The following GSDME variants were observed in gnomAD, a reference collection of about 807,000 sequenced individuals.
GSDME encodes the protein gasdermin-E.
A neutral mutation model predicts 47.5 loss-of-function variants in GSDME; 44 were observed. That is an observed-to-expected ratio of 0.93 (90% CI 0.73 to 1.19). The LOEUF (loss-of-function observed/expected upper bound fraction) is 1.19, where lower values mean the gene tolerates loss of function less well. GSDME is among the 50% of genes most tolerant of loss of function. The probability of loss-of-function intolerance (pLI) is 0.00; values close to 1 mark genes in which losing one functional copy is unlikely to be tolerated. For missense variants in GSDME, 663 were observed against 604.2 expected, an observed-to-expected ratio of 1.10 and a Z score of -1.02; for synonymous variants, 258 against 252.8, an observed-to-expected ratio of 1.02 and a Z score of -0.20.
chr7:24,756,536 C>G lies in GSDME; in HGVS notation c.-20+860G>C, dbSNP rs983781703. 6.6e-6 allele frequency among the ~76,000 whole-genome samples: 1 copy of G among 152,210 alleles called. No individual in the cohort carries two copies. The highest frequency in any genetic ancestry group is 2.1e-4 in the South Asian group (1 of 4,822). ...CTGCTTCTCCAACCCCACAGCACTC[C>G]TTTCATTCCACTTGGACTTGCCCCA... On this transcript the variant is annotated intron_variant, in intron 1 of 9. Coordinates refer to ENST00000645220, the MANE Select transcript of GSDME (RefSeq NM_001127453.2). The surrounding 1 kb of genome is among the most constrained non-coding windows in gnomAD (Gnocchi z 4.2).
chr7:24,728,420 AC>A lies in GSDME; in HGVS notation c.405-9203del, dbSNP rs1790040581. ...TAACAAATGTTCTTTGCAACCAGAC[AC>A]CCTAACTGGTATATGAAGTGACCAT... is the stretch of plus-strand genomic sequence containing the variant. On this transcript the variant is annotated intron_variant, in intron 3 of 9. Coordinates refer to ENST00000645220, the MANE Select transcript of GSDME (RefSeq NM_001127453.2). This position sits in a 1 kb window ranked among gnomAD's most constrained non-coding sequence, Gnocchi z 7.2. 6.6e-6 allele frequency among the ~76,000 whole-genome samples: 1 copy of A among 152,120 alleles called. No individual in the cohort carries two copies. Among genetic ancestry groups the A allele is most frequent in the Non-Finnish European group, 1.5e-5 (1 of 68,016 alleles).
chr7:24,794,374 C>T, the GSDME span, among the ~76,000 whole-genome samples: 1 of 151,930 alleles, frequency 6.6e-6, no homozygotes, highest in African/African-American at 2.4e-5. Context: ...GTTCTCCTGT[C>T]TCCTTCCTCT....
At chr7:24,762,620 A>G (rs959358902), upstream of GSDME, among the ~76,000 whole-genome samples, 14 of 152,242 alleles carry the variant, frequency 9.2e-5, no homozygotes, top group African/African-American at 3.4e-4. Flanking sequence ...AAGGTGACCA[A>G]CGAGAATGTG....
Position 24,756,982 on chromosome 7 carries a change from C to T in GSDME, c.-20+414G>A, listed in dbSNP as rs1791041936. On this transcript the variant is annotated intron_variant, in intron 1 of 9. Coordinates refer to ENST00000645220, the MANE Select transcript of GSDME (RefSeq NM_001127453.2). The surrounding 1 kb of genome is among the most constrained non-coding windows in gnomAD (Gnocchi z 4.2). ...CGCCCCCGAGCCGGGAGAGCCTCCG[C>T]AGCACCCAGAGAAGAGACCGGAACA... Among the ~76,000 whole-genome samples the T allele has an allele frequency of 6.6e-6, 1 of 151,814 alleles. No homozygotes were observed. The highest frequency in any genetic ancestry group is 2.4e-5 in the African/African-American group (1 of 41,358).
At chr7:24,781,733 T>A in the GSDME span, among the ~76,000 whole-genome samples, 1 of 138,648 alleles carries the variant, frequency 7.2e-6, no homozygotes, top group Non-Finnish European at 1.5e-5. Flanking sequence ...TATATGTTAA[T>A]GAAAACACTC....
chr7:24,707,254 AAAAC>A lies in GSDME; in HGVS notation c.990+869_990+872del, dbSNP rs751319604. The A allele has an allele frequency of 2.9e-4, 137 of 466,904 alleles. 2 individuals carry two copies. The highest frequency in any genetic ancestry group is 1.1e-3 in the South Asian group (69 of 64,088). 28.9% of individuals were successfully genotyped at this position (466,904 alleles called of 1,614,324 possible). A position where few individuals can be genotyped will look rare whatever the true frequency, so the allele number is the denominator to read the frequency against. ...CAAACTCCCTGCATAATATAATAGA[AAAAC>A]AAAAGAACAAAAAACAAAACTGTAG... On this transcript the variant is annotated intron_variant, in intron 7 of 9. Coordinates refer to ENST00000645220, the MANE Select transcript of GSDME (RefSeq NM_001127453.2).
In GSDME at chr7:24,701,102, T is replaced by C. The variant is rs749859305; in HGVS notation, c.1257+1658A>G. On this transcript the variant is annotated intron_variant, in intron 9 of 9. Coordinates refer to ENST00000645220, the MANE Select transcript of GSDME (RefSeq NM_001127453.2). ...AGCCTCTCAAAGTTACCCTGGCTACTAGACAAGAAAAGACAGGGCTGCAGA... is the reference window on the plus strand; with the variant it reads ...AGCCTCTCAAAGTTACCCTGGCTACCAGACAAGAAAAGACAGGGCTGCAGA... Among the ~76,000 whole-genome samples, 18 of 152,226 alleles carry C rather than the reference T, an allele frequency of 1.2e-4. 1 individual carries two copies. Among genetic ancestry groups the C allele is most frequent in the Non-Finnish European group, 1.6e-4 (11 of 68,034 alleles).
rs141820646 is a variant in GSDME, at chr7:24,724,174, CA to C, written c.405-4957del. On this transcript the variant is annotated intron_variant, in intron 3 of 9. Coordinates refer to ENST00000645220, the MANE Select transcript of GSDME (RefSeq NM_001127453.2). This position sits in a 1 kb window ranked among gnomAD's most constrained non-coding sequence, Gnocchi z 4.8. ...ACCATGTGAATAGATTGCCCAGTTC[CA>C]AAAAAAAAAAAAAGTATTTTAAAAA... Among the ~76,000 whole-genome samples the C allele has an allele frequency of 0.052, 7,256 of 138,762 alleles. 193 individuals carry two copies. Among genetic ancestry groups the C allele is most frequent in the Non-Finnish European group, 0.069 (4,356 of 63,026 alleles). The allele number at this position is 138,762 out of a possible 152,430, so 91.0% of individuals were successfully genotyped here. A position where few individuals can be genotyped will look rare whatever the true frequency, so the allele number is the denominator to read the frequency against.
At chr7:24,767,517 A>G in the GSDME span, among the ~76,000 whole-genome samples, 1 of 152,034 alleles carries the variant, frequency 6.6e-6, no homozygotes, top group Non-Finnish European at 1.5e-5. The surrounding 1 kb of genome is among the most constrained non-coding windows in gnomAD (Gnocchi z 5.3). Flanking sequence ...GAATTTTTAC[A>G]TTATTTTTAT....
chr7:24,738,013 A>G (rs1254083241), intron 3 of GSDME, among the ~76,000 whole-genome samples: 1 of 152,188 alleles, frequency 6.6e-6, no homozygotes, highest in Non-Finnish European at 1.5e-5. Flanking sequence ...CCAACCAGCT[A>G]GTATCATACT....
intron 5 of GSDME, among the ~76,000 whole-genome samples, chr7:24,713,863 G>C (rs1308407766): frequency 1.3e-5 from 2 of 152,176 alleles, no homozygotes; most frequent in Non-Finnish European, 2.9e-5. Flanking sequence ...AGGCCAAGGT[G>C]GGAGGACTGC....
intron 4 of GSDME, 129 bp downstream of exon 4, chr7:24,718,918 G>A (rs1044243920): frequency 1.9e-5 from 20 of 1,042,834 alleles, no homozygotes; most frequent in South Asian, 2.6e-5. Context: ...TTAAGACAAC[G>A]TGAGTTGGGT....
chr7:24,770,998 C>T, the GSDME span, among the ~76,000 whole-genome samples: 4 of 151,670 alleles, frequency 2.6e-5, no homozygotes, highest in African/African-American at 9.7e-5. The surrounding 1 kb of genome is among the most constrained non-coding windows in gnomAD (Gnocchi z 4.6). Context: ...GCAACAATGA[C>T]AGAATTTCCC....
intron 3 of GSDME, among the ~76,000 whole-genome samples, chr7:24,722,212 T>G (rs777479163): frequency 6.6e-6 from 1 of 152,228 alleles, no homozygotes; most frequent in Non-Finnish European, 1.5e-5. Context: ...ATAAAACTTG[T>G]GAGGTTTTTT....
intron 3 of GSDME, among the ~76,000 whole-genome samples, chr7:24,731,923 G>A (rs553264791): frequency 6.6e-6 from 1 of 152,222 alleles, no homozygotes; most frequent in Non-Finnish European, 1.5e-5. Flanking sequence ...TTTTTAAAAT[G>A]AGCCTGAAGT....
chr7:24,790,911 G>T, the GSDME span, among the ~76,000 whole-genome samples: 25 of 152,170 alleles, frequency 1.6e-4, no homozygotes, highest in Admixed American at 1.2e-3. This position sits in a 1 kb window ranked among gnomAD's most constrained non-coding sequence, Gnocchi z 4.1. Context: ...TCCTTAGTTT[G>T]AGGAAGATCA....
At chr7:24,713,392 A>C (rs899145354) in intron 5 of GSDME, among the ~76,000 whole-genome samples, 2 of 152,202 alleles carry the variant, frequency 1.3e-5, no homozygotes, top group Non-Finnish European at 2.9e-5. Context: ...GGAAGGTCAC[A>C]GTGACCTTCC....
Position 24,705,865 on chromosome 7 carries a change from G to A in GSDME, c.1183+319C>T, listed in dbSNP as rs537634773. ...TGCCACTCAGCTCTGCTGGGACTCC[G>A]GAGTGAACCACAGCCTGTCAGGGAG... On this transcript the variant is annotated intron_variant, in intron 8 of 9. Transcript: ENST00000645220. This position sits in a 1 kb window ranked among gnomAD's most constrained non-coding sequence, Gnocchi z 4.1. 1.2e-4 allele frequency: 50 copies of A among 434,502 alleles called. No individual in the cohort carries two copies. The highest frequency in any genetic ancestry group is 1.4e-3 in the Middle Eastern group (2 of 1,448). The allele number at this position is 434,502 out of a possible 1,614,324, so 26.9% of individuals were successfully genotyped here.
At chr7:24,764,309 T>C in the GSDME span, among the ~76,000 whole-genome samples, 1 of 152,368 alleles carries the variant, frequency 6.6e-6, no homozygotes, top group African/African-American at 2.4e-5. This position sits in a 1 kb window ranked among gnomAD's most constrained non-coding sequence, Gnocchi z 4.4. Context: ...AAGTAGAGCT[T>C]CTGTCACCTT....
Sources: gnomAD v4.1 joint callset for allele counts (sites outside exome capture counted in the v4.1 genomes callset) on GRCh38, gnomAD v4.1.1 for gene constraint, Gnocchi (gnomAD v3.1) non-coding constraint, MANE v1.5 for transcripts, NCBI Gene and HGNC (gene_info 2026-07-23, HGNC 2026-07-21) for gene names.